GABRA5: variants seen among roughly 807,000 people sequenced by gnomAD.
GABRA5 encodes gamma-aminobutyric acid type A receptor subunit alpha5, also known as gamma-aminobutyric acid receptor subunit alpha-5.
In GABRA5, 18 loss-of-function variants were observed where a neutral mutation model predicts 47.3. That is an observed-to-expected ratio of 0.38 (90% CI 0.26 to 0.56). The LOEUF is 0.56. GABRA5 is among the 20% of genes least tolerant of loss of function. The pLI, the probability that GABRA5 is intolerant of heterozygous loss-of-function variation, is 0.71. For synonymous variants in GABRA5, 237 were observed against 229.3 expected (o/e 1.03, Z -0.30); for missense variants, 365 against 599.3 (o/e 0.61, Z 4.08).
At chr15:26,911,445 A>T (rs1893590770) in intron 6 of GABRA5, among the ~76,000 whole-genome samples, 1 of 151,716 alleles carries the variant, frequency 6.6e-6, no homozygotes, top group Non-Finnish European at 1.5e-5. Flanking sequence ...CTTGGTATGC[A>T]TTCCTTGTCA....
At chr15:26,893,572 G>A (rs1483435785) in intron 6 of GABRA5, among the ~76,000 whole-genome samples, 1 of 151,870 alleles carries the variant, frequency 6.6e-6, no homozygotes, top group African/African-American at 2.4e-5. Flanking sequence ...GCTGCCTAGG[G>A]CTCCCCTTCC....
intron 6 of GABRA5, among the ~76,000 whole-genome samples, chr15:26,901,006 G>A (rs28832925): frequency 7.3e-4 from 111 of 152,206 alleles, no homozygotes; most frequent in African/African-American, 2.6e-3. Context: ...ATGCATTTGA[G>A]TTTCCTTGGC....
chr15:26,937,224 A>G lies in GABRA5; in HGVS notation c.620A>G (p.Asn207Ser). Residue 207 changes from asparagine (N) to serine (S), a missense_variant, in exon 8 of 11, where the codon AAC becomes AGC. This residue lies in a region of GABRA5 where 216 missense variants were observed against 335.3 expected (regional missense o/e 0.64). Coordinates refer to ENST00000335625, the MANE Select transcript of GABRA5 (RefSeq NM_000810.4). ...PNSEVVYVWT[N>S]GSTKSVVVAE... ...TCTGAAGTCGTTTACGTCTGGACCA[A>G]CGGCTCCACCAAGTCGGTGGTGGTG... The G allele has an allele frequency of 1.2e-6, 2 of 1,613,912 alleles. No homozygotes were observed. Among genetic ancestry groups the G allele is most frequent in the East Asian group, 2.2e-5 (1 of 44,860 alleles).
chr15:26,891,548 G>A (rs1220468828), intron 6 of GABRA5, among the ~76,000 whole-genome samples: 1 of 152,168 alleles, frequency 6.6e-6, no homozygotes, highest in Non-Finnish European at 1.5e-5. Flanking sequence ...GTGGCGCCGT[G>A]GCCTCGTGCA....
chr15:26,874,935 G>A (rs1892555928), intron 3 of GABRA5, among the ~76,000 whole-genome samples: 1 of 152,132 alleles, frequency 6.6e-6, no homozygotes, highest in Admixed American at 6.5e-5. Context: ...TTTGACAGAG[G>A]GCAGTGTAGC....
chr15:26,886,673 A>G (rs1363972037), intron 6 of GABRA5, among the ~76,000 whole-genome samples: 1 of 152,208 alleles, frequency 6.6e-6, no homozygotes, highest in African/African-American at 2.4e-5. Context: ...CGAGGGACAC[A>G]ACATCATTAG....
At chr15:26,913,703 A>G (rs1452178608) in intron 6 of GABRA5, among the ~76,000 whole-genome samples, 2 of 152,156 alleles carry the variant, frequency 1.3e-5, no homozygotes, top group Non-Finnish European at 2.9e-5. Context: ...AAAAACTAAC[A>G]AACAGAAGAT....
chr15:26,939,114 T>A (rs538825944), intron 8 of GABRA5: 2 of 690,162 alleles, frequency 2.9e-6, no homozygotes, highest in Admixed American at 4.1e-5. Context: ...TTTGAATTGC[T>A]CTTCCTCCAC....
At chr15:26,914,250 A>G (rs180901549) in intron 6 of GABRA5, among the ~76,000 whole-genome samples, 1 of 152,290 alleles carries the variant, frequency 6.6e-6, no homozygotes, top group African/African-American at 2.4e-5. Flanking sequence ...CCATTACACA[A>G]TGGTTATAGC....
At chr15:26,907,360 C>G (rs191655857) in intron 6 of GABRA5, among the ~76,000 whole-genome samples, 4 of 152,276 alleles carry the variant, frequency 2.6e-5, no homozygotes, top group Admixed American at 2.6e-4. Flanking sequence ...AGTTTAAATT[C>G]TATTATGTAT....
At chr15:26,947,407 G>T (rs1047356409) in intron 10 of GABRA5, among the ~76,000 whole-genome samples, 1 of 152,076 alleles carries the variant, frequency 6.6e-6, no homozygotes, top group Non-Finnish European at 1.5e-5. Flanking sequence ...TTGTGTTCAT[G>T]AGTTCTCATC....
chr15:26,880,826 CTT>C lies in GABRA5; in HGVS notation c.87-19_87-18del, dbSNP rs768334193. 4.9e-4 allele frequency: 795 copies of C among 1,611,902 alleles called. No homozygotes were observed. The highest frequency in any genetic ancestry group is 6.6e-4 in the Non-Finnish European group (775 of 1,179,066). ...GAAATAATATGTTTTAACGCTTCCT[CTT>C]GTTTCTCTTTTTAAAAGCTTTTCAC... is the stretch of plus-strand genomic sequence containing the variant. On this transcript the variant is annotated intron_variant, in intron 3 of 10. Transcript: ENST00000335625.
chr15:26,889,887 A>C lies in GABRA5; in HGVS notation c.497+6330A>C, dbSNP rs1395453274. On this transcript the variant is annotated intron_variant, in intron 6 of 10. Transcript: ENST00000335625. ...TATGTGTCCCTGCGTGTAGACATTC[A>C]TGAATACATATGTGTATGTCTGTGT... 3.3e-5 allele frequency among the ~76,000 whole-genome samples: 5 copies of C among 152,220 alleles called. No homozygotes were observed. In the East Asian group the frequency reaches 9.6e-4, roughly 29 times the overall value.
At chr15:26,936,022 G>A (rs1026827342) in intron 7 of GABRA5, among the ~76,000 whole-genome samples, 5 of 152,132 alleles carry the variant, frequency 3.3e-5, no homozygotes, top group Non-Finnish European at 5.9e-5. Context: ...ATTGGATTAT[G>A]GGGGCAATTC....
At position 26,920,875 on chromosome 15, in the gene GABRA5, C is replaced by T. The variant is rs559599969; in HGVS notation, c.580+5990C>T. ...ACTCAGAGACAAGCAAGACTGAAAT[C>T]GGTTCCTCCGACAGCCCTCAGAGAA... On this transcript the variant is annotated intron_variant, in intron 7 of 10. Coordinates refer to ENST00000335625, the MANE Select transcript of GABRA5 (RefSeq NM_000810.4). Among the ~76,000 whole-genome samples, 23 of 152,270 alleles carry T rather than the reference C, an allele frequency of 1.5e-4. No individual in the cohort carries two copies. In the East Asian group the frequency reaches 2.3e-3, roughly 15 times the overall value.
intron 6 of GABRA5, among the ~76,000 whole-genome samples, chr15:26,899,963 A>G (rs1054803597): frequency 6.6e-6 from 1 of 152,050 alleles, no homozygotes; most frequent in Non-Finnish European, 1.5e-5. Context: ...TTCTTGTTCT[A>G]CAGTTCTTTC....
chr15:26,918,209 T>G (rs1214549497), intron 7 of GABRA5, among the ~76,000 whole-genome samples: 2 of 152,168 alleles, frequency 1.3e-5, no homozygotes, highest in Non-Finnish European at 2.9e-5. Flanking sequence ...ATTTTCATTT[T>G]TATCTGTTTC....
intron 6 of GABRA5, among the ~76,000 whole-genome samples, chr15:26,892,993 C>T (rs146737818): frequency 7.1e-6 from 1 of 141,556 alleles, no homozygotes; most frequent in East Asian, 2.2e-4. Context: ...TAGAGTGTGG[C>T]GTGTGTGTGT....
In GABRA5 at chr15:26,939,995, C is replaced by T; in HGVS notation, c.795C>T (p.Tyr265=). The part of the protein sequence containing the change: ...RKIGYFVIQT[Y]LPCIMTVILS... ...TTGGCTACTTTGTCATCCAGACCTACCTTCCCTGCATAATGACCGTGATCT... is the reference window on the plus strand; with the variant it reads ...TTGGCTACTTTGTCATCCAGACCTATCTTCCCTGCATAATGACCGTGATCT... Residue 265 remains tyrosine (Y), a synonymous_variant, in exon 9 of 11, where the codon TAC becomes TAT. Coordinates refer to ENST00000335625, the MANE Select transcript of GABRA5 (RefSeq NM_000810.4). The T allele has an allele frequency of 6.2e-7, 1 of 1,613,942 alleles. No individual in the cohort carries two copies. The highest frequency in any genetic ancestry group is 8.5e-7 in the Non-Finnish European group (1 of 1,179,846).
Sources: allele counts gnomAD v4.1 joint callset (sites outside exome capture counted in the v4.1 genomes callset), GRCh38; gene constraint gnomAD v4.1.1; regional missense constraint gnomAD v4.1.1; transcripts MANE v1.5; gene names NCBI Gene and HGNC (gene_info 2026-07-23, HGNC 2026-07-21).